CCSER2: variants seen among roughly 807,000 people sequenced by gnomAD.
The protein encoded by CCSER2 is serine-rich coiled-coil domain-containing protein 2.
CCSER2 carries 46 observed loss-of-function variants against 92.3 expected under a neutral mutation model. The ratio of observed to expected loss-of-function variants is 0.50; its 90% CI spans 0.39 to 0.64. The LOEUF is 0.64. Ranked by LOEUF, CCSER2 falls within the 30% of genes least tolerant of loss-of-function variation. CCSER2 has a pLI of 0.00. For synonymous variants in CCSER2, 433 were observed against 431.4 expected, an observed-to-expected ratio of 1.00 and a Z score of -0.04; for missense variants, 1,244 against 1,238.9, an observed-to-expected ratio of 1.00 and a Z score of -0.06.
At chr10:84,433,556 A>G (rs981676478) in intron 5 of CCSER2, among the ~76,000 whole-genome samples, 5 of 152,196 alleles carry the variant, frequency 3.3e-5, no homozygotes, top group African/African-American at 1.2e-4. Flanking sequence ...TTAGTAATCA[A>G]GAAGTTCTGT....
At position 84,477,676 on chromosome 10, in the gene CCSER2, T is replaced by C. The variant is rs1172554185; in HGVS notation, c.2325+12T>C. The C allele has an allele frequency of 1.4e-6, 2 of 1,456,128 alleles. No individual in the cohort carries two copies. Among genetic ancestry groups the C allele is most frequent in the Non-Finnish European group, 1.9e-6 (2 of 1,038,736 alleles). The allele number at this position is 1,456,128 out of a possible 1,614,324, so 90.2% of individuals were successfully genotyped here. On this transcript the variant is annotated intron_variant, in intron 9 of 9. Coordinates refer to ENST00000372088, the MANE Select transcript of CCSER2 (RefSeq NM_001284240.2). ...GGAGACGAATTCCTGTAAGTAACATTTGCTCTTAGCCTCCTCTCCAGTCAT... is the reference window on the plus strand; with the variant it reads ...GGAGACGAATTCCTGTAAGTAACATCTGCTCTTAGCCTCCTCTCCAGTCAT...
chr10:84,499,897 T>C lies in CCSER2; in HGVS notation c.2326-13552T>C, dbSNP rs917317849. On this transcript the variant is annotated intron_variant, in intron 9 of 9. Coordinates refer to ENST00000372088, the MANE Select transcript of CCSER2 (RefSeq NM_001284240.2). ...CAGGGTGGGTATTCTGCTCCCTCCT[T>C]CTCTCCTTGGCAGGGCTCCTTCCAG... is the stretch of plus-strand genomic sequence containing the variant. 5 of 1,613,880 alleles carry C rather than the reference T, an allele frequency of 3.1e-6. No individual in the cohort carries two copies. The African/African-American group carries it at 5.3e-5, about 17-fold the overall frequency.
At chr10:84,472,810 G>T (rs1226782108) in intron 8 of CCSER2, among the ~76,000 whole-genome samples, 1 of 151,924 alleles carries the variant, frequency 6.6e-6, no homozygotes, top group Non-Finnish European at 1.5e-5. Flanking sequence ...TCTCTTCATA[G>T]CTCAAATTAT....
intron 3 of CCSER2, among the ~76,000 whole-genome samples, chr10:84,388,235 T>A (rs17256948): frequency 0.034 from 5,108 of 152,298 alleles, 117 homozygotes; most frequent in Middle Eastern, 0.085. Flanking sequence ...GCATCAGTAT[T>A]AAGTTTCTTC....
chr10:84,497,916 G>GT (rs771148888), intron 9 of CCSER2, among the ~76,000 whole-genome samples: 1 of 152,180 alleles, frequency 6.6e-6, no homozygotes, highest in Non-Finnish European at 1.5e-5. Context: ...GGAACTAAAA[G>GT]TAAGAGGGTT....
At position 84,371,087 on chromosome 10, in the gene CCSER2, G is replaced by C; in HGVS notation, c.35G>C (p.Gly12Ala). 1.3e-6 allele frequency: 2 copies of C among 1,598,742 alleles called. No individual in the cohort carries two copies. Among genetic ancestry groups the C allele is most frequent in the Non-Finnish European group, 8.5e-7 (1 of 1,174,190 alleles). Reference sequence around the variant, plus strand: ...AAAACACAAATCAAGACATTTTTGGGTTCCAAGTTGCCAAAGTATGGAACA... The same window carrying C: ...AAAACACAAATCAAGACATTTTTGGCTTCCAAGTTGCCAAAGTATGGAACA... ...EEKTQIKTFL[G>A]SKLPKYGTKS... The change falls in exon 2 of 10, where the codon GGT becomes GCT. Residue 12 changes from glycine to alanine, a missense_variant. Coordinates refer to ENST00000372088, the MANE Select transcript of CCSER2 (RefSeq NM_001284240.2).
intron 3 of CCSER2, among the ~76,000 whole-genome samples, chr10:84,412,266 C>A (rs1842691300): frequency 6.6e-6 from 1 of 151,940 alleles, no homozygotes; most frequent in South Asian, 2.1e-4. Context: ...TTTATTGTAT[C>A]TCTGCCAGGT....
chr10:84,435,850 A>G (rs1280631609), intron 5 of CCSER2, among the ~76,000 whole-genome samples: 2 of 152,130 alleles, frequency 1.3e-5, no homozygotes, highest in Non-Finnish European at 2.9e-5. Flanking sequence ...GTCCTGCCTT[A>G]GGGGATTTAA....
rs1184742840 is a variant in CCSER2, at chr10:84,484,495, G to GTGTGTGTA, written c.2325+6838_2325+6839insATGTGTGT. ...TGCATGCATGTGTGCATGCACGTGTGTGTGTGTGTGTGTGTGTGTGTTTCA... is the reference window on the plus strand; with the variant it reads ...TGCATGCATGTGTGCATGCACGTGTGTGTGTGTATGTGTGTGTGTGTGTGTGTGTTTCA... On this transcript the variant is annotated intron_variant, in intron 9 of 9. Transcript: ENST00000372088. Among the ~76,000 whole-genome samples, 8 of 150,646 alleles carry GTGTGTGTA rather than the reference G, an allele frequency of 5.3e-5. No individual in the cohort carries two copies. The South Asian group carries it at 1.3e-3, about 24-fold the overall frequency.
intron 1 of CCSER2, among the ~76,000 whole-genome samples, chr10:84,353,969 G>A (rs964375080): frequency 3.2e-4 from 49 of 152,096 alleles, no homozygotes; most frequent in Non-Finnish European, 3.8e-4. Context: ...AGGCTGAGGC[G>A]GGTGGATTAC....
At chr10:84,434,214 C>T (rs527326013) in intron 5 of CCSER2, among the ~76,000 whole-genome samples, 1 of 152,248 alleles carries the variant, frequency 6.6e-6, no homozygotes, top group African/African-American at 2.4e-5. Flanking sequence ...AGTGATTTTA[C>T]CTCCCATTCT....
At chr10:84,471,296 G>A (rs756172656) in intron 8 of CCSER2, among the ~76,000 whole-genome samples, 13 of 151,802 alleles carry the variant, frequency 8.6e-5, no homozygotes, top group Admixed American at 2.0e-4. Flanking sequence ...ATAAAAAGTA[G>A]CATAATATTA....
At chr10:84,373,976 T>C in intron 3 of CCSER2, 161 bp downstream of exon 3, 1 of 1,393,008 alleles carries the variant, frequency 7.2e-7, no homozygotes, top group Non-Finnish European at 9.5e-7. Context: ...GACTCTAATA[T>C]GAAATAAAGC....
chr10:84,476,881 G>A (rs151239609), intron 8 of CCSER2, among the ~76,000 whole-genome samples: 120 of 152,280 alleles, frequency 7.9e-4, no homozygotes, highest in African/African-American at 2.8e-3. Context: ...GAAATGGTCA[G>A]ATGGATCTTG....
At chr10:84,421,924 G>A (rs1422904489) in intron 4 of CCSER2, among the ~76,000 whole-genome samples, 1 of 152,184 alleles carries the variant, frequency 6.6e-6, no homozygotes, top group Admixed American at 6.5e-5. Flanking sequence ...GGAGGGCGGG[G>A]AGGGTGACCC....
At chr10:84,434,450 C>T (rs1843983543) in intron 5 of CCSER2, among the ~76,000 whole-genome samples, 1 of 151,962 alleles carries the variant, frequency 6.6e-6, no homozygotes, top group African/African-American at 2.4e-5. Flanking sequence ...TTTTTTTCCC[C>T]AGAAAACTTC....
At chr10:84,434,572 A>C (rs1302531281) in intron 5 of CCSER2, among the ~76,000 whole-genome samples, 1 of 152,218 alleles carries the variant, frequency 6.6e-6, no homozygotes, top group Admixed American at 6.5e-5. Flanking sequence ...GTTGGTAAAT[A>C]TAGGTGAAGG....
chr10:84,466,672 T>A (rs1347172250), intron 7 of CCSER2, among the ~76,000 whole-genome samples: 3 of 139,942 alleles, frequency 2.1e-5, no homozygotes, highest in Non-Finnish European at 3.2e-5. Flanking sequence ...GCCTGGCTAA[T>A]TTTTTTTTTT....
chr10:84,454,460 C>T (rs985678396), intron 6 of CCSER2, among the ~76,000 whole-genome samples: 4 of 152,180 alleles, frequency 2.6e-5, no homozygotes, highest in South Asian at 4.1e-4. Context: ...ATGCAATATA[C>T]ACAGTAAAAT....
Sources: gnomAD v4.1 joint callset for allele counts (sites outside exome capture counted in the v4.1 genomes callset) on GRCh38, gnomAD v4.1.1 for gene constraint, MANE v1.5 for transcripts, NCBI Gene and HGNC (gene_info 2026-07-23, HGNC 2026-07-21) for gene names.